The following RASGRF1 variants were observed in gnomAD, a reference collection of about 807,000 sequenced individuals.
The protein encoded by RASGRF1 is Ras protein specific guanine nucleotide releasing factor 1.
Under a neutral mutation model 138.7 loss-of-function variants are expected in RASGRF1, and 40 were observed. The observed-to-expected ratio is 0.29, with a 90% CI of 0.22 to 0.38. RASGRF1 has a LOEUF of 0.38. Among genes scored for constraint, RASGRF1 ranks in the 10% least tolerant of loss-of-function variants. The pLI, the probability that RASGRF1 is intolerant of heterozygous loss-of-function variation, is 1.00. For synonymous variants in RASGRF1, 614 were observed against 663.2 expected (o/e 0.93, Z 1.14); for missense variants, 1,108 against 1,650.4 (o/e 0.67, Z 5.69).
chr15:78,986,966 TAA>T (rs756186908), intron 22 of RASGRF1, among the ~76,000 whole-genome samples: 3 of 152,218 alleles, frequency 2.0e-5, no homozygotes, highest in South Asian at 2.1e-4. Context: ...GAATTTTATA[TAA>T]AAGTTATACT....
rs772456109 is a variant in RASGRF1 at position 79,006,262 on chromosome 15, C to T, written c.1999G>A (p.Val667Ile). The T allele has an allele frequency of 2.0e-5, 32 of 1,614,002 alleles. No homozygotes were observed. The highest frequency in any genetic ancestry group is 1.6e-4 in the Middle Eastern group (1 of 6,084). The change falls in exon 14 of 27, where the codon GTC becomes ATC. Residue 667 changes from valine to isoleucine, a missense_variant. Around this residue, in one of 3 missense-constraint regions of RASGRF1, gnomAD observed 686 missense variants for 976.7 expected, o/e 0.70. Transcript: ENST00000558480. The surrounding 1 kb of genome is among the most constrained non-coding windows in gnomAD (Gnocchi z 4.0). ...AGGACCACGATGGCGGTGGTGAAGA[C>T]GCGGTAGGAGTGCAGGAAGGTGTTG... is the stretch of plus-strand genomic sequence containing the variant. Reference protein sequence around the residue: ...FLNTFLHSYRVFTTAIVVLDK... With the variant: ...FLNTFLHSYRIFTTAIVVLDK...
At position 79,032,074 on chromosome 15, in the gene RASGRF1, C is replaced by A. The variant is rs771946541; in HGVS notation, c.1152+49G>T. 6 of 1,576,836 alleles carry A rather than the reference C, an allele frequency of 3.8e-6. No individual in the cohort carries two copies. The African/African-American group carries it at 5.4e-5, about 14-fold the overall frequency. On this transcript the variant is annotated intron_variant, in intron 7 of 26. Coordinates refer to ENST00000558480, the MANE Select transcript of RASGRF1 (RefSeq NM_001145648.3). This position sits in a 1 kb window ranked among gnomAD's most constrained non-coding sequence, Gnocchi z 4.5. ...GCCCCCACCGCCATGGTCCATCCCC[C>A]ACACCTGCCTCCCTGACTCTACCCC...
chr15:79,090,436 C>A lies in RASGRF1; in HGVS notation c.63G>T (p.Lys21Asn). ...TCAGGTAGCCTTTGCGCGTGCCGTCCTTGCGCGCCAGCAGTCCCAGGGACG... is the reference window on the plus strand; with the variant it reads ...TCAGGTAGCCTTTGCGCGTGCCGTCATTGCGCGCCAGCAGTCCCAGGGACG... ...HVASLGLLARKDGTRKGYLSK... is the reference protein window; with the variant it reads ...HVASLGLLARNDGTRKGYLSK... Residue 21 changes from lysine (K) to asparagine (N), a missense_variant, in exon 1 of 27, where the codon AAG (lysine) becomes AAT (asparagine). By Grantham distance (94) the Lys-to-Asn change is moderately conservative. Coordinates refer to ENST00000558480, the MANE Select transcript of RASGRF1 (RefSeq NM_001145648.3). 1 of 1,613,222 alleles carries A rather than the reference C, an allele frequency of 6.2e-7. No individual in the cohort carries two copies.
rs1428601754 is a variant in RASGRF1, at chr15:79,010,676, T to G, written c.1827-4242A>C. 2.0e-5 allele frequency among the ~76,000 whole-genome samples: 3 copies of G among 152,274 alleles called. No homozygotes were observed. In the East Asian group the frequency reaches 5.8e-4, roughly 29 times the overall value. On this transcript the variant is annotated intron_variant, in intron 13 of 26. Transcript: ENST00000558480. ...GGTATTCCTATCTCCCAGGCATCAA[T>G]GACAGGCCTTGCCTGAAGGGTAAAG...
chr15:79,050,448 G>C lies in RASGRF1; in HGVS notation c.532-860C>G, dbSNP rs545628484. ...TATTTTTCAAACAAAATTGTATCTG[G>C]ATATAAATCAGATAGAGCAGGTGGC... is the stretch of plus-strand genomic sequence containing the variant. On this transcript the variant is annotated intron_variant, in intron 3 of 26. Transcript: ENST00000558480. This position sits in a 1 kb window ranked among gnomAD's most constrained non-coding sequence, Gnocchi z 4.1. Among the ~76,000 whole-genome samples, 40 of 152,276 alleles carry C rather than the reference G, an allele frequency of 2.6e-4. No homozygotes were observed. Among genetic ancestry groups the C allele is most frequent in the African/African-American group, 8.9e-4 (37 of 41,542 alleles).
chr15:78,965,911 T>C (rs2141586149), intron 26 of RASGRF1, among the ~76,000 whole-genome samples: 1 of 152,300 alleles, frequency 6.6e-6, no homozygotes, highest in Non-Finnish European at 1.5e-5. Flanking sequence ...AGTTGGTGAG[T>C]GGCTTCGCCG....
chr15:79,023,435 G>A (rs571656555), intron 10 of RASGRF1, among the ~76,000 whole-genome samples: 3 of 152,350 alleles, frequency 2.0e-5, no homozygotes, highest in African/African-American at 7.2e-5. Context: ...GAGGGATGGA[G>A]CTGGGACTGA....
At chr15:79,057,466 A>G (rs1320514292) in intron 3 of RASGRF1, among the ~76,000 whole-genome samples, 1 of 152,218 alleles carries the variant, frequency 6.6e-6, no homozygotes, top group East Asian at 1.9e-4. Context: ...TACCCAGCTG[A>G]CTTCAGGAGT....
Position 78,998,820 on chromosome 15 carries a change from G to A in RASGRF1, c.2752C>T (p.Pro918Ser). ...TTGTCTCCATTCCTCTGGTCTGGGG[G>A]AAACCCTGGCAGCATGCGTGGCAGA... ...RRMSLASAGF[P>S]PDQRNGDKEF... Residue 918 changes from proline (P) to serine (S), a missense_variant, in exon 18 of 27, where the codon CCC (proline) becomes TCC (serine). Pro to Ser is a moderately conservative substitution (Grantham distance 74). Coordinates refer to ENST00000558480, the MANE Select transcript of RASGRF1 (RefSeq NM_001145648.3). 6.2e-7 allele frequency: 1 copy of A among 1,613,022 alleles called. No individual in the cohort carries two copies. Among genetic ancestry groups the A allele is most frequent in the Non-Finnish European group, 8.5e-7 (1 of 1,178,998 alleles).
In RASGRF1 at chr15:79,027,241, G is replaced by A. The variant is rs944592860; in HGVS notation, c.1381+500C>T. 2.6e-5 allele frequency among the ~76,000 whole-genome samples: 4 copies of A among 152,094 alleles called. No individual in the cohort carries two copies. The highest frequency in any genetic ancestry group is 4.8e-5 in the African/African-American group (2 of 41,412). ...CTCAAACACTGCTCCCAAGGTAAGC[G>A]AGGCTGAAGCTTGGGAAAGACCTTC... On this transcript the variant is annotated intron_variant, in intron 9 of 26. Transcript: ENST00000558480. The surrounding 1 kb of genome is among the most constrained non-coding windows in gnomAD (Gnocchi z 4.8).
chr15:78,977,364 C>A (rs2055894568), intron 24 of RASGRF1, among the ~76,000 whole-genome samples: 1 of 152,072 alleles, frequency 6.6e-6, no homozygotes, highest in East Asian at 1.9e-4. Context: ...GGGCTGAATC[C>A]CCTGGGGCCA....
intron 26 of RASGRF1, among the ~76,000 whole-genome samples, chr15:78,963,976 C>G (rs189549747): frequency 3.9e-5 from 6 of 152,014 alleles, no homozygotes; most frequent in Admixed American, 3.9e-4. Context: ...TAGTTTCCTC[C>G]GTAGTGAGCA....
chr15:79,024,240 CACAT>C (rs1038243189), intron 10 of RASGRF1, among the ~76,000 whole-genome samples: 1 of 151,890 alleles, frequency 6.6e-6, no homozygotes, highest in African/African-American at 2.4e-5. Context: ...ACATACCACA[CACAT>C]ATCCACCACA....
At chr15:79,035,943 G>T (rs1250624358) in intron 5 of RASGRF1, among the ~76,000 whole-genome samples, 1 of 152,188 alleles carries the variant, frequency 6.6e-6, no homozygotes, top group East Asian at 1.9e-4. Context: ...CTGTTTTGTC[G>T]CCACGTAACG....
chr15:79,047,317 C>T (rs1011358107), intron 4 of RASGRF1, among the ~76,000 whole-genome samples: 2 of 152,190 alleles, frequency 1.3e-5, no homozygotes, highest in Admixed American at 6.5e-5. Flanking sequence ...TCTCAAGCCC[C>T]ACCCCAGACC....
Position 79,035,190 on chromosome 15 carries a change from T to G in RASGRF1, c.899A>C (p.His300Pro). 2 of 1,613,520 alleles carry G rather than the reference T, an allele frequency of 1.2e-6. No individual in the cohort carries two copies. The highest frequency in any genetic ancestry group is 1.7e-6 in the Non-Finnish European group (2 of 1,179,710). The change falls in exon 6 of 27, where the codon CAT (histidine) becomes CCT (proline). Residue 300 changes from histidine to proline, a missense_variant. By Grantham distance (77) the His-to-Pro change is moderately conservative. This residue lies in a region of RASGRF1 where 169 missense variants were observed against 344.2 expected (regional missense o/e 0.49). Coordinates refer to ENST00000558480, the MANE Select transcript of RASGRF1 (RefSeq NM_001145648.3). ...FLNSETIMFL[H>P]QIFYQGLKAR... ...CTTCAGGCCTTGGTAAAAGATCTGATGTAAAAACATGATGGTTTCGCTGAA... is the reference window on the plus strand; with the variant it reads ...CTTCAGGCCTTGGTAAAAGATCTGAGGTAAAAACATGATGGTTTCGCTGAA...
At chr15:79,066,465 T>C (rs1014172540) in intron 1 of RASGRF1, among the ~76,000 whole-genome samples, 4 of 152,214 alleles carry the variant, frequency 2.6e-5, no homozygotes, top group Non-Finnish European at 5.9e-5. Context: ...CTCAGCTACA[T>C]ACAGGCACAG....
At chr15:79,081,254 C>T (rs1035821416) in intron 1 of RASGRF1, among the ~76,000 whole-genome samples, 2 of 152,200 alleles carry the variant, frequency 1.3e-5, no homozygotes, top group African/African-American at 2.4e-5. Flanking sequence ...TATTAATGGC[C>T]CACCACTAAA....
At chr15:79,072,964 C>T (rs1320185990) in intron 1 of RASGRF1, among the ~76,000 whole-genome samples, 1 of 152,194 alleles carries the variant, frequency 6.6e-6, no homozygotes, top group Non-Finnish European at 1.5e-5. Flanking sequence ...CCTGCCACAA[C>T]AATGGGACCA....
Sources: gnomAD v4.1 joint callset for allele counts (sites outside exome capture counted in the v4.1 genomes callset) on GRCh38, gnomAD v4.1.1 for gene constraint, gnomAD v4.1.1 regional missense constraint, Gnocchi (gnomAD v3.1) non-coding constraint, MANE v1.5 for transcripts, NCBI Gene and HGNC (gene_info 2026-07-23, HGNC 2026-07-21) for gene names.